The following ACTR5 variants were observed in gnomAD, a reference collection of about 807,000 sequenced individuals.
The protein encoded by ACTR5 is actin related protein 5, also known as actin-related protein 5.
In ACTR5, 43 loss-of-function variants were observed where a neutral mutation model predicts 61.2. The ratio of observed to expected loss-of-function variants is 0.70; its 90% CI spans 0.55 to 0.91. The LOEUF is 0.91. Ranked by LOEUF, ACTR5 falls within the 40% of genes least tolerant of loss-of-function variation. The pLI, the probability that ACTR5 is intolerant of heterozygous loss-of-function variation, is 0.00. For synonymous variants in ACTR5, 333 were observed against 310.5 expected (o/e 1.07, Z -0.76); for missense variants, 798 against 782.2 (o/e 1.02, Z -0.24).
intron 8 of ACTR5, among the ~76,000 whole-genome samples, chr20:38,769,881 G>A (rs983033406): frequency 6.6e-6 from 1 of 152,178 alleles, no homozygotes; most frequent in South Asian, 2.1e-4. Context: ...AAGCCAGGGG[G>A]TGACAGTAAG....
chr20:38,762,645 A>G (rs1383251789), intron 5 of ACTR5, among the ~76,000 whole-genome samples: 2 of 152,310 alleles, frequency 1.3e-5, no homozygotes, highest in Non-Finnish European at 2.9e-5. Context: ...GGTGTAACAG[A>G]AGCAGATAGA....
rs780725473 is a variant in ACTR5, at chr20:38,752,154, G to C, written c.629G>C (p.Arg210Pro). 8 of 1,613,438 alleles carry C rather than the reference G, an allele frequency of 5.0e-6. No individual in the cohort carries two copies. In the East Asian group the frequency reaches 1.8e-4, roughly 36 times the overall value. ...EGRLDAKNCK[R>P]INLGGSQAAG... ...AGATTAGATGCTAAAAACTGCAAGC[G>C]CATCAATCTTGGAGGAAGCCAAGCA... Residue 210 changes from arginine (R) to proline (P), a missense_variant, in exon 3 of 9, where the codon CGC becomes CCC. Transcript: ENST00000243903.
chr20:38,759,169 A>G (rs16987559), intron 5 of ACTR5, among the ~76,000 whole-genome samples: 1,997 of 152,346 alleles, frequency 0.013, 41 homozygotes, highest in African/African-American at 0.045. Context: ...AATGGGCCAA[A>G]TATAGAAAGT....
intron 2 of ACTR5, 148 bp from the exon 3 acceptor site, chr20:38,751,983 T>C: frequency 1.1e-6 from 1 of 895,670 alleles, no homozygotes; most frequent in Non-Finnish European, 1.7e-6. Flanking sequence ...CAGGGGAACT[T>C]CAACGTCCCT....
chr20:38,752,281 C>T lies in ACTR5; in HGVS notation c.756C>T (p.Ile252=), dbSNP rs377265358. 14 of 1,610,070 alleles carry T rather than the reference C, an allele frequency of 8.7e-6. No individual in the cohort carries two copies. Among genetic ancestry groups the T allele is most frequent in the African/African-American group, 2.7e-5 (2 of 74,854 alleles). ...MEEILHEHSY[I]AEDYVEELHK... ...AGATTCTGCATGAGCACAGCTACAT[C>T]GCTGAGGATTATGTGGAAGGTATCC... Residue 252 remains isoleucine (I), a synonymous_variant, in exon 3 of 9, where the codon ATC becomes ATT. Coordinates refer to ENST00000243903, the MANE Select transcript of ACTR5 (RefSeq NM_024855.4).
chr20:38,755,207 G>C (rs188129219), intron 4 of ACTR5, 33 bp downstream of exon 4: 1 of 1,525,850 alleles, frequency 6.6e-7, no homozygotes, highest in East Asian at 2.3e-5. Flanking sequence ...GCGCCCTTCC[G>C]TGTTAACAAG....
At chr20:38,758,510 C>T (rs1246368325) in intron 5 of ACTR5, among the ~76,000 whole-genome samples, 1 of 151,782 alleles carries the variant, frequency 6.6e-6, no homozygotes, top group East Asian at 1.9e-4. Flanking sequence ...AGCCGGGCGT[C>T]GGGGCAGGCG....
At chr20:38,754,397 C>T (rs754940448) in intron 3 of ACTR5, among the ~76,000 whole-genome samples, 112 of 151,966 alleles carry the variant, frequency 7.4e-4, no homozygotes, top group Non-Finnish European at 9.4e-4. Context: ...TGACCTATGT[C>T]TGAAATGCTG....
chr20:38,759,245 T>A (rs1015226467), intron 5 of ACTR5, among the ~76,000 whole-genome samples: 8 of 152,232 alleles, frequency 5.3e-5, no homozygotes, highest in African/African-American at 1.9e-4. Context: ...CAAGGCTGTT[T>A]TAGGGAACCA....
Position 38,763,120 on chromosome 20 carries a change from G to A in ACTR5, c.1177-2282G>A, listed in dbSNP as rs546166358. Among the ~76,000 whole-genome samples the A allele has an allele frequency of 3.3e-5, 5 of 152,256 alleles. No individual in the cohort carries two copies. In the South Asian group the frequency reaches 8.3e-4, roughly 25 times the overall value. ...TTAATATACCTTTGGTTGCCATTCC[G>A]AGCTGGATCAGTGTGACTCCAGAGC... is the stretch of plus-strand genomic sequence containing the variant. On this transcript the variant is annotated intron_variant, in intron 5 of 8. Coordinates refer to ENST00000243903, the MANE Select transcript of ACTR5 (RefSeq NM_024855.4).
In ACTR5 at chr20:38,771,548, T is replaced by C. The variant is rs1430986635; in HGVS notation, c.1567-11T>C. On this transcript the variant is annotated splice_polypyrimidine_tract_variant and intron_variant, in intron 8 of 8. Coordinates refer to ENST00000243903, the MANE Select transcript of ACTR5 (RefSeq NM_024855.4). ...CTGGTGGAGGTGTCCTGGTGAATCT[T>C]TGTGTTTCAGGTTCAACTTGCCTCG... The C allele has an allele frequency of 6.2e-7, 1 of 1,607,646 alleles. No individual in the cohort carries two copies. The highest frequency in any genetic ancestry group is 1.7e-5 in the Admixed American group (1 of 59,688).
At chr20:38,764,044 CAT>C (rs1361919244) in intron 5 of ACTR5, among the ~76,000 whole-genome samples, 1 of 152,156 alleles carries the variant, frequency 6.6e-6, no homozygotes, top group Non-Finnish European at 1.5e-5. Flanking sequence ...ATATTTGCCA[CAT>C]GACTTTTGGT....
chr20:38,751,422 C>T (rs1247198314), intron 2 of ACTR5, among the ~76,000 whole-genome samples: 1 of 152,084 alleles, frequency 6.6e-6, no homozygotes, highest in African/African-American at 2.4e-5. Context: ...ATGAAGTTCT[C>T]TATGTAAACA....
At chr20:38,759,889 C>T (rs1014401048) in intron 5 of ACTR5, among the ~76,000 whole-genome samples, 3 of 151,964 alleles carry the variant, frequency 2.0e-5, no homozygotes, top group African/African-American at 2.4e-5. Flanking sequence ...TTATTTGGGC[C>T]GGGCACAGTG....
At chr20:38,750,358 T>A (rs1023541670) in intron 2 of ACTR5, 119 bp downstream of exon 2, 1 of 836,038 alleles carries the variant, frequency 1.2e-6, no homozygotes, top group Admixed American at 2.6e-5. Context: ...ACTGAGCCGT[T>A]GGGCTTAGCT....
Position 38,771,846 on chromosome 20 carries a change from C to T in ACTR5, c.*30C>T, listed in dbSNP as rs1276116537. ...GGCCCTCCAGAGAGACTGCCCTGCA[C>T]GCCATGCCTTGGGCCACGTTGGCAG... On this transcript the variant is annotated 3_prime_UTR_variant, in exon 9 of 9. Coordinates refer to ENST00000243903, the MANE Select transcript of ACTR5 (RefSeq NM_024855.4). 25 of 1,592,476 alleles carry T rather than the reference C, an allele frequency of 1.6e-5. No individual in the cohort carries two copies. Among genetic ancestry groups the T allele is most frequent in the Non-Finnish European group, 1.9e-5 (22 of 1,171,942 alleles).
intron 5 of ACTR5, among the ~76,000 whole-genome samples, chr20:38,758,606 C>T (rs2084434494): frequency 6.6e-6 from 1 of 150,640 alleles, no homozygotes; most frequent in Non-Finnish European, 1.5e-5. Context: ...GAGATTGTGA[C>T]ATTGCACTCC....
Position 38,767,446 on chromosome 20 carries a change from G to A in ACTR5, c.1434-18G>A, listed in dbSNP as rs1322175459. On this transcript the variant is annotated intron_variant, in intron 7 of 8. Coordinates refer to ENST00000243903, the MANE Select transcript of ACTR5 (RefSeq NM_024855.4). ...TATTTGAGTTAAGGGACTATATTAG[G>A]AGTTGTTTCTTTCCTAGGTACCCAA... 5 of 1,612,472 alleles carry A rather than the reference G, an allele frequency of 3.1e-6. No individual in the cohort carries two copies. The South Asian group carries it at 4.4e-5, about 14-fold the overall frequency.
At chr20:38,759,817 G>A (rs1474420147) in intron 5 of ACTR5, among the ~76,000 whole-genome samples, 1 of 152,128 alleles carries the variant, frequency 6.6e-6, no homozygotes, top group Non-Finnish European at 1.5e-5. Flanking sequence ...TGGTAAATGT[G>A]TGTGGGAATA....
Sources: gnomAD v4.1 joint callset for allele counts (sites outside exome capture counted in the v4.1 genomes callset) on GRCh38, gnomAD v4.1.1 for gene constraint, MANE v1.5 for transcripts, NCBI Gene and HGNC (gene_info 2026-07-23, HGNC 2026-07-21) for gene names.